The following CCDC178 variants were observed in gnomAD, a reference collection of about 807,000 sequenced individuals.
The protein encoded by CCDC178 is coiled-coil domain-containing protein 178.
A neutral mutation model predicts 117.4 loss-of-function variants in CCDC178; 126 were observed. That is an observed-to-expected ratio of 1.07 (90% CI 0.93 to 1.24). The LOEUF (loss-of-function observed/expected upper bound fraction) is 1.24, where lower values mean the gene tolerates loss of function less well. Among genes scored for constraint, CCDC178 ranks in the 50% most tolerant of loss-of-function variants. The pLI is 0.00. For missense variants in CCDC178, 1,030 were observed against 986.9 expected (o/e 1.04, Z -0.59); for synonymous variants, 283 against 313.4 (o/e 0.90, Z 1.02).
chr18:33,126,986 TAA>T (rs1225815316), intron 20 of CCDC178, among the ~76,000 whole-genome samples: 1,471 of 136,044 alleles, frequency 0.011, 29 homozygotes, highest in African/African-American at 0.037. Flanking sequence ...TGCATTTGGT[TAA>T]AAAAAAAAAA....
At chr18:33,185,427 C>A (rs1412160659) in intron 20 of CCDC178, among the ~76,000 whole-genome samples, 1 of 151,892 alleles carries the variant, frequency 6.6e-6, no homozygotes, top group African/African-American at 2.4e-5. Flanking sequence ...TGCAAACATG[C>A]AAACACAGGG....
chr18:33,350,127 C>T (rs987008646), intron 7 of CCDC178, among the ~76,000 whole-genome samples: 4 of 151,896 alleles, frequency 2.6e-5, no homozygotes, highest in Non-Finnish European at 5.9e-5. Context: ...ATTGTCCCAG[C>T]ATCAACTATT....
At chr18:32,983,343 A>G (rs1374274876) in intron 21 of CCDC178, 2 of 1,523,598 alleles carry the variant, frequency 1.3e-6, no homozygotes, top group African/African-American at 2.7e-5. Flanking sequence ...TTAGGTAAGA[A>G]GCCTGCAACC....
At chr18:33,256,451 C>T (rs1045749371) in intron 14 of CCDC178, among the ~76,000 whole-genome samples, 1 of 152,030 alleles carries the variant, frequency 6.6e-6, no homozygotes, top group African/African-American at 2.4e-5. Flanking sequence ...AGGAAGGATG[C>T]AGATGCTGTC....
intron 2 of CCDC178, among the ~76,000 whole-genome samples, chr18:33,431,074 CAAAAA>C (rs368036930): frequency 1.5e-5 from 1 of 66,410 alleles, no homozygotes; most frequent in Admixed American, 1.6e-4. Flanking sequence ...GACTACGTCT[CAAAAA>C]AAAAAAAAAA....
intron 14 of CCDC178, among the ~76,000 whole-genome samples, chr18:33,260,635 T>C (rs1009418132): frequency 6.6e-4 from 100 of 152,182 alleles, no homozygotes; most frequent in African/African-American, 2.1e-3. Context: ...TGGTATTTAT[T>C]TTCCTGTTTA....
At chr18:33,306,252 A>G (rs887250956) in intron 11 of CCDC178, among the ~76,000 whole-genome samples, 1 of 152,094 alleles carries the variant, frequency 6.6e-6, no homozygotes, top group Non-Finnish European at 1.5e-5. Flanking sequence ...CTTTTGGTCC[A>G]CAGCCTTCCT....
chr18:33,303,258 A>C (rs1250241262), intron 11 of CCDC178, among the ~76,000 whole-genome samples: 1 of 152,224 alleles, frequency 6.6e-6, no homozygotes, highest in East Asian at 1.9e-4. Flanking sequence ...ATCCTATATG[A>C]TGTCAACTAT....
chr18:33,245,728 T>C (rs931526866), intron 14 of CCDC178, among the ~76,000 whole-genome samples: 2 of 151,922 alleles, frequency 1.3e-5, no homozygotes, highest in African/African-American at 4.8e-5. Flanking sequence ...TCTATACTCC[T>C]TTCCATTTCA....
chr18:33,073,770 G>T (rs1252780378), intron 21 of CCDC178, among the ~76,000 whole-genome samples: 1 of 152,010 alleles, frequency 6.6e-6, no homozygotes, highest in Non-Finnish European at 1.5e-5. Flanking sequence ...TACGTTTATG[G>T]CAGAAATAAA....
intron 2 of CCDC178, among the ~76,000 whole-genome samples, chr18:33,429,385 A>G (rs1024209881): frequency 1.3e-5 from 2 of 152,104 alleles, no homozygotes; most frequent in African/African-American, 4.8e-5. Context: ...ACAGAGAGAG[A>G]GAGAGAGCAA....
chr18:33,301,149 AGG>A (rs1267321740), intron 11 of CCDC178, among the ~76,000 whole-genome samples: 3 of 152,206 alleles, frequency 2.0e-5, no homozygotes, highest in African/African-American at 4.8e-5. Flanking sequence ...TATGGCTCAA[AGG>A]ACCCCAGGTA....
intron 22 of CCDC178, among the ~76,000 whole-genome samples, chr18:32,959,477 C>A (rs1568182013): frequency 6.6e-6 from 1 of 152,030 alleles, no homozygotes; most frequent in Non-Finnish European, 1.5e-5. Flanking sequence ...TTTACTGAGT[C>A]CCTTTCTCCA....
At chr18:33,241,977 AG>A (rs1441948011) in intron 15 of CCDC178, among the ~76,000 whole-genome samples, 1 of 151,908 alleles carries the variant, frequency 6.6e-6, no homozygotes, top group African/African-American at 2.4e-5. Flanking sequence ...CCTAGCAAAA[AG>A]ATCAAAGCTG....
At chr18:32,996,158 C>T (rs1019193041) in intron 21 of CCDC178, among the ~76,000 whole-genome samples, 2 of 151,588 alleles carry the variant, frequency 1.3e-5, no homozygotes, top group African/African-American at 4.8e-5. Context: ...AACAACATGA[C>T]AACCACACAA....
At chr18:33,232,895 A>G in intron 15 of CCDC178, among the ~76,000 whole-genome samples, 1 of 152,296 alleles carries the variant, frequency 6.6e-6, no homozygotes. Context: ...AAAATTCTAC[A>G]TTGAATGAAT....
intron 20 of CCDC178, among the ~76,000 whole-genome samples, chr18:33,117,318 A>G (rs1432652766): frequency 3.9e-5 from 6 of 152,076 alleles, no homozygotes; most frequent in African/African-American, 7.2e-5. Flanking sequence ...CAAAATGGCC[A>G]TGGTGTTTAT....
intron 21 of CCDC178, among the ~76,000 whole-genome samples, chr18:33,017,728 A>G (rs1467595571): frequency 2.0e-5 from 3 of 151,974 alleles, no homozygotes. Context: ...TGGTAGTGAT[A>G]TAAGTATAGA....
chr18:33,318,190 T>C (rs959028422), intron 11 of CCDC178, among the ~76,000 whole-genome samples: 14 of 152,236 alleles, frequency 9.2e-5, no homozygotes, highest in African/African-American at 3.1e-4. Flanking sequence ...TGTTACTACT[T>C]CTCAATTCCA....
Sources: allele counts gnomAD v4.1 joint callset (sites outside exome capture counted in the v4.1 genomes callset), GRCh38; gene constraint gnomAD v4.1.1; transcripts MANE v1.5; gene names NCBI Gene and HGNC (gene_info 2026-07-23, HGNC 2026-07-21).